Variants in DOCK10 observed in about 807,000 individuals in gnomAD.
The protein encoded by DOCK10 is dedicator of cytokinesis 10.
Under a neutral mutation model 280.1 loss-of-function variants are expected in DOCK10, and 145 were observed. That is an observed-to-expected ratio of 0.52 (90% CI 0.45 to 0.59). DOCK10 has a LOEUF of 0.59. DOCK10 is among the 20% of genes least tolerant of loss of function. DOCK10 has a pLI of 0.00. For missense variants in DOCK10, 2,368 were observed against 2,651.7 expected, an observed-to-expected ratio of 0.89 and a Z score of 2.35; for synonymous variants, 915 against 942.2, an observed-to-expected ratio of 0.97 and a Z score of 0.53.
chr2:224,984,966 T>G (rs1295835369), intron 1 of DOCK10, among the ~76,000 whole-genome samples: 1 of 151,984 alleles, frequency 6.6e-6, no homozygotes, highest in African/African-American at 2.4e-5. Context: ...CTCAGCCTCC[T>G]GAGTGGCTAG....
intron 29 of DOCK10, among the ~76,000 whole-genome samples, chr2:224,817,709 A>G (rs1479185832): frequency 6.6e-6 from 1 of 152,242 alleles, no homozygotes; most frequent in Non-Finnish European, 1.5e-5. Context: ...AGCACAAATG[A>G]AGAATATACT....
At chr2:224,967,307 C>T (rs981976058) in intron 1 of DOCK10, among the ~76,000 whole-genome samples, 6 of 152,168 alleles carry the variant, frequency 3.9e-5, no homozygotes, top group African/African-American at 1.4e-4. Flanking sequence ...GTCTTTATCT[C>T]CTGACCTTGT....
Position 224,848,550 on chromosome 2 carries a change from GT to G in DOCK10, c.2235+956del, listed in dbSNP as rs958279541. On this transcript the variant is annotated intron_variant, in intron 19 of 55. Transcript: ENST00000258390. ...TCACTTATTATGTGCCCTTGGTAAA[GT>G]TACTTGACTTCTCTGAGCCACAGTT... Among the ~76,000 whole-genome samples the G allele has an allele frequency of 4.6e-5, 7 of 152,306 alleles. No individual in the cohort carries two copies. The South Asian group carries it at 1.0e-3, about 23-fold the overall frequency.
chr2:224,862,814 CTAAA>C, intron 13 of DOCK10, 68 bp from the exon 14 acceptor site: 5 of 934,210 alleles, frequency 5.4e-6, no homozygotes, highest in Non-Finnish European at 7.8e-6. Context: ...TAAAATAATA[CTAAA>C]TACTTTTTCA....
chr2:224,993,886 T>C (rs1331178456), intron 1 of DOCK10, among the ~76,000 whole-genome samples: 1 of 152,158 alleles, frequency 6.6e-6, no homozygotes, highest in Non-Finnish European at 1.5e-5. Context: ...GCATGTACTC[T>C]TGGGTCTTTA....
At chr2:224,792,833 A>G in intron 47 of DOCK10, 141 bp downstream of exon 47, 2 of 579,314 alleles carry the variant, frequency 3.5e-6, no homozygotes, top group Non-Finnish European at 6.0e-6. Context: ...CAGGAGTTTA[A>G]GTTTTTTGCA....
chr2:224,774,898 C>T lies in DOCK10; in HGVS notation c.6013+7G>A, dbSNP rs1025673383. 2 of 1,580,036 alleles carry T rather than the reference C, an allele frequency of 1.3e-6. No homozygotes were observed. The highest frequency in any genetic ancestry group is 1.7e-6 in the Non-Finnish European group (2 of 1,162,224). The stretch of plus-strand genomic sequence containing the variant: ...GCCACATGTGTGGCCCGGCTACCTG[C>T]ACCTACTTGTCAGGATCGTCCGCCG... On this transcript the variant is annotated splice_region_variant and intron_variant, in intron 52 of 55. Coordinates refer to ENST00000258390, the MANE Select transcript of DOCK10 (RefSeq NM_014689.3).
In DOCK10 at chr2:224,955,555, C is replaced by T. The variant is rs16866394; in HGVS notation, c.124-23887G>A. On this transcript the variant is annotated intron_variant, in intron 1 of 55. Coordinates refer to ENST00000258390, the MANE Select transcript of DOCK10 (RefSeq NM_014689.3). ...CCACAAACCACTTATTTAATGGCAC[C>T]GTAATGCATTTGTGTCTTTTAAGGC... Among the ~76,000 whole-genome samples the T allele has an allele frequency of 1.0e-3, 155 of 152,266 alleles. 2 individuals are homozygous for T. In the East Asian group the frequency reaches 0.028, roughly 27 times the overall value.
At chr2:225,028,120 C>A (rs1443627585) in intron 1 of DOCK10, among the ~76,000 whole-genome samples, 1 of 152,040 alleles carries the variant, frequency 6.6e-6, no homozygotes, top group African/African-American at 2.4e-5. Flanking sequence ...GAAAAGGGGA[C>A]TTTGCAAATA....
chr2:224,922,563 T>C (rs544166853), intron 2 of DOCK10, among the ~76,000 whole-genome samples: 2 of 152,308 alleles, frequency 1.3e-5, no homozygotes, highest in Middle Eastern at 3.4e-3. Context: ...CCTGTGTTTA[T>C]AGTTTCAGGT....
intron 1 of DOCK10, among the ~76,000 whole-genome samples, chr2:224,971,419 A>G (rs1384539098): frequency 6.6e-6 from 1 of 152,046 alleles, no homozygotes; most frequent in Non-Finnish European, 1.5e-5. Flanking sequence ...GCGCGGTTGC[A>G]CTGTAGCAGG....
At chr2:224,903,063 T>C (rs1226366085) in intron 3 of DOCK10, among the ~76,000 whole-genome samples, 1 of 151,852 alleles carries the variant, frequency 6.6e-6, no homozygotes, top group Non-Finnish European at 1.5e-5. Flanking sequence ...GCGCCACTGC[T>C]CTCCAGCCTG....
chr2:224,802,218 T>G (rs754303494), intron 39 of DOCK10, among the ~76,000 whole-genome samples, 178 bp from the exon 40 acceptor site: 1 of 152,144 alleles, frequency 6.6e-6, no homozygotes, highest in Non-Finnish European at 1.5e-5. Flanking sequence ...TTAAAGTACT[T>G]TTGGAGAAAT....
chr2:224,964,101 C>T (rs1028798047), intron 1 of DOCK10, among the ~76,000 whole-genome samples: 8 of 149,872 alleles, frequency 5.3e-5, no homozygotes, highest in African/African-American at 9.9e-5. Flanking sequence ...ATACAGGATG[C>T]GGAGGGTGTT....
At chr2:225,016,607 ACATATATC>A (rs1689602882) in intron 1 of DOCK10, among the ~76,000 whole-genome samples, 2 of 100,724 alleles carry the variant, frequency 2.0e-5, no homozygotes, top group African/African-American at 3.6e-5. Context: ...GCACATAGAT[ACATATATC>A]TATGTGCACA....
At chr2:224,839,774 A>C (rs1695834368) in intron 24 of DOCK10, among the ~76,000 whole-genome samples, 180 bp downstream of exon 24, 1 of 152,230 alleles carries the variant, frequency 6.6e-6, no homozygotes, top group African/African-American at 2.4e-5. Flanking sequence ...GAGGTCTAAC[A>C]CTTTACTACT....
At chr2:224,896,489 A>C (rs1017946058) in intron 3 of DOCK10, 112 bp from the exon 4 acceptor site, 2 of 594,108 alleles carry the variant, frequency 3.4e-6, no homozygotes, top group Non-Finnish European at 5.6e-6. Context: ...CGGGTAGATC[A>C]CCTGAGATCA....
In DOCK10 at chr2:224,841,875, A is replaced by T; in HGVS notation, c.2590T>A (p.Phe864Ile). ...TTCTCTCTTTTTTGGCACTCTTGGA[A>T]AAATGCATTCACATGTGGATCCTAC... ...NTQDPHVNAF[F>I]QECQKREKDM... Residue 864 changes from phenylalanine (F) to isoleucine (I), a missense_variant, in exon 23 of 56, where the codon TTC becomes ATC. Physicochemically the swap from Phe to Ile is conservative, Grantham distance 21. This residue lies in a region of DOCK10 where 1,209 missense variants were observed against 1,250.9 expected (regional missense o/e 0.97). Coordinates refer to ENST00000258390, the MANE Select transcript of DOCK10 (RefSeq NM_014689.3). The T allele has an allele frequency of 1.2e-6, 2 of 1,613,060 alleles. No homozygotes were observed. Among genetic ancestry groups the T allele is most frequent in the Non-Finnish European group, 1.7e-6 (2 of 1,179,060 alleles).
intron 16 of DOCK10, 149 bp downstream of exon 16, chr2:224,854,814 T>G (rs1215615055): frequency 3.5e-6 from 2 of 573,532 alleles, no homozygotes; most frequent in East Asian, 5.9e-5. Flanking sequence ...TTTCAACTTT[T>G]GGGAAAAAAA....
Sources: gnomAD v4.1 joint callset for allele counts (sites outside exome capture counted in the v4.1 genomes callset) on GRCh38, gnomAD v4.1.1 for gene constraint, gnomAD v4.1.1 regional missense constraint, MANE v1.5 for transcripts, NCBI Gene and HGNC (gene_info 2026-07-23, HGNC 2026-07-21) for gene names.